STAG1: variants seen among roughly 807,000 people sequenced by gnomAD.
STAG1 encodes STAG1 cohesin complex component.
In STAG1, 26 loss-of-function variants were observed where a neutral mutation model predicts 170.9. The observed-to-expected ratio is 0.15, with a 90% CI of 0.11 to 0.21. The LOEUF (loss-of-function observed/expected upper bound fraction) is 0.21. Ranked by LOEUF, STAG1 falls within the 10% of genes least tolerant of loss-of-function variation. The pLI, the probability that STAG1 is intolerant of heterozygous loss-of-function variation, is 1.00. For missense variants in STAG1, 964 were observed against 1,509.5 expected (o/e 0.64, Z 5.99); for synonymous variants, 514 against 497.7 (o/e 1.03, Z -0.44).
At chr3:136,393,990 CT>C (rs939041872) in intron 22 of STAG1, among the ~76,000 whole-genome samples, 1 of 152,166 alleles carries the variant, frequency 6.6e-6, no homozygotes, top group Non-Finnish European at 1.5e-5. Flanking sequence ...CAACCTCCGC[CT>C]CCTGGGTTCA....
chr3:136,641,389 T>C (rs966775636), intron 1 of STAG1, among the ~76,000 whole-genome samples: 1 of 152,190 alleles, frequency 6.6e-6, no homozygotes, highest in African/African-American at 2.4e-5. Context: ...AAAATGGTAA[T>C]GTTATAGTGA....
chr3:136,611,694 TG>T (rs1255662075), intron 3 of STAG1, among the ~76,000 whole-genome samples: 1 of 119,756 alleles, frequency 8.4e-6, no homozygotes, highest in Non-Finnish European at 1.7e-5. Flanking sequence ...TTGGTACAGA[TG>T]GGTTTTGCCA....
intron 7 of STAG1, among the ~76,000 whole-genome samples, chr3:136,514,303 A>G (rs965454671): frequency 5.3e-5 from 8 of 152,236 alleles, no homozygotes; most frequent in Non-Finnish European, 1.0e-4. Context: ...CAACAGACAC[A>G]TGAAAAAATG....
At chr3:136,439,396 A>G (rs2088564914) in intron 15 of STAG1, among the ~76,000 whole-genome samples, 6 of 105,484 alleles carry the variant, frequency 5.7e-5, no homozygotes, top group Admixed American at 5.2e-4. Flanking sequence ...CCCGACACAC[A>G]CACACACACA....
At chr3:136,391,429 T>C (rs1415380808) in intron 22 of STAG1, among the ~76,000 whole-genome samples, 1 of 146,544 alleles carries the variant, frequency 6.8e-6, no homozygotes, top group Non-Finnish European at 1.5e-5. Context: ...CAAGCTGGAG[T>C]GCAGTGGCAT....
Position 136,377,772 on chromosome 3 carries a change from T to C in STAG1, c.2278-20A>G. On this transcript the variant is annotated intron_variant, in intron 22 of 33. Coordinates refer to ENST00000383202, the MANE Select transcript of STAG1 (RefSeq NM_005862.3). ...ATCCTCCTGTAAGACACATTCAAAT[T>C]TGCAAGCGTGAATTACAGGATCACA... 6.2e-7 allele frequency: 1 copy of C among 1,602,752 alleles called. No homozygotes were observed. Among genetic ancestry groups the C allele is most frequent in the South Asian group, 1.1e-5 (1 of 90,688 alleles).
chr3:136,498,079 C>T (rs1576533714), intron 9 of STAG1, among the ~76,000 whole-genome samples: 1 of 148,786 alleles, frequency 6.7e-6, no homozygotes, highest in Non-Finnish European at 1.5e-5. Flanking sequence ...GTAATCCCAG[C>T]TACTTGGAAG....
chr3:136,533,374 T>C (rs137882363), intron 6 of STAG1, among the ~76,000 whole-genome samples: 1 of 152,256 alleles, frequency 6.6e-6, no homozygotes, highest in East Asian at 1.9e-4. Flanking sequence ...TGTCGCCTTT[T>C]TTTTATTTTT....
intron 5 of STAG1, among the ~76,000 whole-genome samples, chr3:136,561,026 C>G (rs1263317388): frequency 6.6e-6 from 1 of 152,054 alleles, no homozygotes; most frequent in Non-Finnish European, 1.5e-5. Flanking sequence ...TTGGTTCTTA[C>G]GCAGCTTTAG....
At chr3:136,453,423 C>T (rs1225541212) in intron 13 of STAG1, among the ~76,000 whole-genome samples, 1 of 151,880 alleles carries the variant, frequency 6.6e-6, no homozygotes, top group African/African-American at 2.4e-5. Context: ...AACCCCATCT[C>T]TACTAAAAAT....
At position 136,717,671 on chromosome 3, in the gene STAG1, T is replaced by G. The variant is rs145970104; in HGVS notation, c.-84+34524A>C. Among the ~76,000 whole-genome samples the G allele has an allele frequency of 2.5e-3, 375 of 152,124 alleles. 2 individuals carry two copies. Among genetic ancestry groups the G allele is most frequent in the African/African-American group, 8.6e-3 (355 of 41,516 alleles). On this transcript the variant is annotated intron_variant, in intron 1 of 33. Transcript: ENST00000383202. The stretch of plus-strand genomic sequence containing the variant: ...AAGAGTGAAACTCTGTCTCAATAAA[T>G]TAATTAATACGGAAAAAAATTGTAG...
chr3:136,729,019 T>C (rs1464562053), intron 1 of STAG1, among the ~76,000 whole-genome samples: 2 of 152,198 alleles, frequency 1.3e-5, no homozygotes, highest in East Asian at 1.9e-4. Flanking sequence ...TTCACTCCTA[T>C]TGCCCAGGCG....
chr3:136,458,387 C>T lies in STAG1; in HGVS notation c.1314-6240G>A, dbSNP rs184532027. Reference sequence around the variant, plus strand: ...GGCCAGGCTGGTCTTGAACTCCTGACCTCAAGAGATCTGCCTGCCTTGGCC... The same window carrying T: ...GGCCAGGCTGGTCTTGAACTCCTGATCTCAAGAGATCTGCCTGCCTTGGCC... On this transcript the variant is annotated intron_variant, in intron 13 of 33. Coordinates refer to ENST00000383202, the MANE Select transcript of STAG1 (RefSeq NM_005862.3). Among the ~76,000 whole-genome samples, 1,074 of 152,278 alleles carry T rather than the reference C, an allele frequency of 7.1e-3. 20 individuals are homozygous for T. The highest frequency in any genetic ancestry group is 0.023 in the African/African-American group (968 of 41,550).
chr3:136,467,415 C>T (rs1218659503), intron 12 of STAG1, among the ~76,000 whole-genome samples: 1 of 152,090 alleles, frequency 6.6e-6, no homozygotes, highest in Non-Finnish European at 1.5e-5. Flanking sequence ...ACAAAGAAGG[C>T]CATTACATAA....
In STAG1 at chr3:136,362,212, G is replaced by A. The variant is rs1157603709; in HGVS notation, c.2787+1154C>T. Among the ~76,000 whole-genome samples the A allele has an allele frequency of 3.3e-5, 5 of 151,878 alleles. No individual in the cohort carries two copies. In the East Asian group the frequency reaches 9.7e-4, roughly 30 times the overall value. On this transcript the variant is annotated intron_variant, in intron 26 of 33. Transcript: ENST00000383202. ...GACCTCAGGTGATCTACCCGCCTCG[G>A]CCTCCCAAAGTGCTGGGATTACAGG...
At chr3:136,346,585 T>G (rs1374792679) in intron 29 of STAG1, among the ~76,000 whole-genome samples, 1 of 152,252 alleles carries the variant, frequency 6.6e-6, no homozygotes. Context: ...ACATTATGGA[T>G]AGTTAAAATC....
chr3:136,344,216 C>T (rs1282352064), intron 29 of STAG1, among the ~76,000 whole-genome samples: 1 of 152,188 alleles, frequency 6.6e-6, no homozygotes, highest in Non-Finnish European at 1.5e-5. Flanking sequence ...ATTACCTAAC[C>T]TCACGAAGTT....
intron 1 of STAG1, among the ~76,000 whole-genome samples, chr3:136,669,970 A>T (rs1941929269): frequency 6.6e-6 from 1 of 152,238 alleles, no homozygotes; most frequent in African/African-American, 2.4e-5. Flanking sequence ...CAAATAACTA[A>T]AATATATCAC....
intron 15 of STAG1, among the ~76,000 whole-genome samples, chr3:136,442,485 T>C (rs2088660396): frequency 6.6e-6 from 1 of 152,232 alleles, no homozygotes; most frequent in African/African-American, 2.4e-5. Flanking sequence ...TATAAAAAGA[T>C]GCATACTTCA....
Sources: allele counts gnomAD v4.1 joint callset (sites outside exome capture counted in the v4.1 genomes callset), GRCh38; gene constraint gnomAD v4.1.1; transcripts MANE v1.5; gene names NCBI Gene and HGNC (gene_info 2026-07-23, HGNC 2026-07-21).